Variants in PARD3B observed in about 807,000 individuals in gnomAD.
PARD3B encodes the protein par-3 family cell polarity regulator beta.
PARD3B carries 103 observed loss-of-function variants against 130.2 expected under a neutral mutation model. That is an observed-to-expected ratio of 0.79 (90% CI 0.67 to 0.93). The LOEUF (loss-of-function observed/expected upper bound fraction) is 0.93. PARD3B is among the 40% of genes least tolerant of loss of function. The pLI is 0.00. For missense variants in PARD3B, 1,609 were observed against 1,499.2 expected (o/e 1.07, Z -1.21); for synonymous variants, 583 against 553.2 (o/e 1.05, Z -0.76).
chr2:205,517,097 G>GCAT (rs2050824106), intron 21 of PARD3B, among the ~76,000 whole-genome samples: 1 of 152,250 alleles, frequency 6.6e-6, no homozygotes, highest in Non-Finnish European at 1.5e-5. Flanking sequence ...AATCAACCTT[G>GCAT]CATCTCAAGG....
At chr2:205,376,943 T>A (rs1297530556) in intron 18 of PARD3B, among the ~76,000 whole-genome samples, 1 of 152,120 alleles carries the variant, frequency 6.6e-6, no homozygotes, top group Non-Finnish European at 1.5e-5. Context: ...GAAAAACACG[T>A]TCTTTAAGTA....
intron 2 of PARD3B, among the ~76,000 whole-genome samples, chr2:204,832,134 G>A (rs545395794): frequency 1.1e-3 from 167 of 152,194 alleles, no homozygotes; most frequent in African/African-American, 3.6e-3. Context: ...GCTGAGGCAG[G>A]AGAATGGCAT....
At chr2:204,614,797 C>T (rs1433472583) in intron 1 of PARD3B, among the ~76,000 whole-genome samples, 1 of 152,094 alleles carries the variant, frequency 6.6e-6, no homozygotes, top group Non-Finnish European at 1.5e-5. Context: ...CCTCCTCCCG[C>T]TTCACCTTCT....
intron 19 of PARD3B, among the ~76,000 whole-genome samples, chr2:205,439,081 T>C (rs1297241811): frequency 6.6e-6 from 1 of 152,228 alleles, no homozygotes; most frequent in Non-Finnish European, 1.5e-5. Context: ...AATCCTGCGT[T>C]CTAAAGATTT....
chr2:204,622,114 A>G (rs570000972), intron 1 of PARD3B, among the ~76,000 whole-genome samples: 2 of 152,356 alleles, frequency 1.3e-5, no homozygotes, highest in Non-Finnish European at 2.9e-5. Context: ...GACTCTGAGC[A>G]GGAACCCTTC....
intron 4 of PARD3B, among the ~76,000 whole-genome samples, chr2:205,086,062 T>C (rs1215962920): frequency 1.3e-5 from 2 of 152,248 alleles, no homozygotes; most frequent in South Asian, 2.1e-4. Context: ...AGCAAGAACA[T>C]ACTGCTTTAT....
At chr2:204,618,041 A>G (rs1405479823) in intron 1 of PARD3B, among the ~76,000 whole-genome samples, 3 of 152,122 alleles carry the variant, frequency 2.0e-5, no homozygotes, top group Non-Finnish European at 4.4e-5. Context: ...AGCAATTTCT[A>G]TTTCCAACAT....
rs1035607469 is a variant in PARD3B at position 205,405,107 on chromosome 2, A to G, written c.2741+3984A>G. ...ATATGGATAGTTTATCTATAGCTAC[A>G]TGTACTGAAAAAGTCCAAAAAGCCA... On this transcript the variant is annotated intron_variant, in intron 19 of 22. Coordinates refer to ENST00000406610, the MANE Select transcript of PARD3B (RefSeq NM_001302769.2). The surrounding 1 kb of genome is among the most constrained non-coding windows in gnomAD (Gnocchi z 4.1). Among the ~76,000 whole-genome samples, 20 of 152,298 alleles carry G rather than the reference A, an allele frequency of 1.3e-4. No homozygotes were observed. Among genetic ancestry groups the G allele is most frequent in the Admixed American group, 1.0e-3 (16 of 15,292 alleles).
Position 205,176,697 on chromosome 2 carries a change from TACTCGGAGTC to T in PARD3B, c.1924+123_1924+132del. The T allele has an allele frequency of 8.9e-7, 1 of 1,123,604 alleles. No individual in the cohort carries two copies. The highest frequency in any genetic ancestry group is 1.2e-6 in the Non-Finnish European group (1 of 828,050). 69.6% of individuals were successfully genotyped at this position (1,123,604 alleles called of 1,614,324 possible). On this transcript the variant is annotated intron_variant, in intron 13 of 22. Transcript: ENST00000406610. This position sits in a 1 kb window ranked among gnomAD's most constrained non-coding sequence, Gnocchi z 5.3. Reference sequence around the variant, plus strand: ...TAATTAGACTAAGTGCAGACTTTGTTACTCGGAGTCACAAACACTGAGAGAGTTGGGGGAG... The same window carrying T: ...TAATTAGACTAAGTGCAGACTTTGTTACAAACACTGAGAGAGTTGGGGGAG...
intron 2 of PARD3B, among the ~76,000 whole-genome samples, chr2:204,729,907 C>T (rs182933910): frequency 6.0e-5 from 9 of 151,020 alleles, no homozygotes; most frequent in East Asian, 2.0e-4. Flanking sequence ...TATATGGTTC[C>T]GACTCCCAGG....
intron 21 of PARD3B, among the ~76,000 whole-genome samples, chr2:205,514,970 T>C (rs2106380233): frequency 6.6e-6 from 1 of 152,062 alleles, no homozygotes; most frequent in East Asian, 1.9e-4. Context: ...AGTTACCTTT[T>C]CTGCTCCTCT....
intron 15 of PARD3B, among the ~76,000 whole-genome samples, chr2:205,234,940 A>G (rs546620415): frequency 6.6e-6 from 1 of 152,378 alleles, no homozygotes; most frequent in African/African-American, 2.4e-5. Flanking sequence ...TTAATAACAC[A>G]TGGATCAAAG....
intron 2 of PARD3B, among the ~76,000 whole-genome samples, chr2:204,737,065 G>GCCT (rs2039789405): frequency 6.6e-6 from 1 of 152,184 alleles, no homozygotes; most frequent in Non-Finnish European, 1.5e-5. Flanking sequence ...TCCTGCTTCA[G>GCCT]CCTCCCTAGT....
At position 205,281,934 on chromosome 2, in the gene PARD3B, T is replaced by TA. The variant is rs1329846740; in HGVS notation, c.2186-18595dup. On this transcript the variant is annotated intron_variant, in intron 16 of 22. Coordinates refer to ENST00000406610, the MANE Select transcript of PARD3B (RefSeq NM_001302769.2). The surrounding 1 kb of genome is among the most constrained non-coding windows in gnomAD (Gnocchi z 4.2). ...CTTGTGTGTCTTCCTGGTTTTAACTTACACACATCAGTAGCTTTTGTTCAC... is the reference window on the plus strand; with the variant it reads ...CTTGTGTGTCTTCCTGGTTTTAACTTAACACACATCAGTAGCTTTTGTTCAC... Among the ~76,000 whole-genome samples the TA allele has an allele frequency of 1.3e-5, 2 of 152,222 alleles. No individual in the cohort carries two copies. The highest frequency in any genetic ancestry group is 2.9e-5 in the Non-Finnish European group (2 of 68,044).
intron 3 of PARD3B, among the ~76,000 whole-genome samples, chr2:205,046,244 C>G (rs1291842805): frequency 6.6e-6 from 1 of 151,444 alleles, no homozygotes; most frequent in Non-Finnish European, 1.5e-5. Flanking sequence ...CTTGCTTCTA[C>G]TCTTCTTGTT....
intron 20 of PARD3B, among the ~76,000 whole-genome samples, chr2:205,495,055 A>C (rs1174364594): frequency 6.6e-6 from 1 of 152,134 alleles, no homozygotes; most frequent in Admixed American, 6.6e-5. Context: ...AAAGTACTAC[A>C]GTTGAGGTCA....
At chr2:205,555,695 T>C (rs1462599319) in intron 22 of PARD3B, among the ~76,000 whole-genome samples, 1 of 152,230 alleles carries the variant, frequency 6.6e-6, no homozygotes, top group Non-Finnish European at 1.5e-5. Context: ...CTCACCCACG[T>C]ACACAATGGT....
rs1258048120 is a variant in PARD3B at position 205,288,728 on chromosome 2, C to T, written c.2186-11802C>T. Among the ~76,000 whole-genome samples, 37 of 152,206 alleles carry T rather than the reference C, an allele frequency of 2.4e-4. 2 individuals are homozygous for T. Among genetic ancestry groups the T allele is most frequent in the Admixed American group, 2.4e-3 (37 of 15,284 alleles). On this transcript the variant is annotated intron_variant, in intron 16 of 22. Transcript: ENST00000406610. This position sits in a 1 kb window ranked among gnomAD's most constrained non-coding sequence, Gnocchi z 4.0. ...CAGGAGACGTGTTTGGACTTTTCCT[C>T]ATGCCTTTTCCTCTAAGTGGTGTGC...
At chr2:205,054,428 A>T (rs202205917) in intron 4 of PARD3B, among the ~76,000 whole-genome samples, 43 of 31,800 alleles carry the variant, frequency 1.4e-3, no homozygotes, top group African/African-American at 5.3e-3. Context: ...ATATATATAT[A>T]TATATATATT....
Sources: allele counts gnomAD v4.1 joint callset (sites outside exome capture counted in the v4.1 genomes callset), GRCh38; gene constraint gnomAD v4.1.1; non-coding constraint Gnocchi (gnomAD v3.1); transcripts MANE v1.5; gene names NCBI Gene and HGNC (gene_info 2026-07-23, HGNC 2026-07-21).